ITPR2: variants seen among roughly 807,000 people sequenced by gnomAD.
The protein encoded by ITPR2 is inositol 1,4,5-trisphosphate receptor type 2, also known as inositol 1,4,5-trisphosphate-gated calcium channel ITPR2.
In ITPR2, 207 loss-of-function variants were observed where a neutral mutation model predicts 317.1. That is an observed-to-expected ratio of 0.65 (90% CI 0.58 to 0.73). The LOEUF (loss-of-function observed/expected upper bound fraction) is 0.73. ITPR2 is among the 30% of genes least tolerant of loss of function. The probability of loss-of-function intolerance (pLI) is 0.00; values close to 1 mark genes in which losing one functional copy is unlikely to be tolerated. For missense variants in ITPR2, 2,613 were observed against 3,284.0 expected (o/e 0.80, Z 4.99); for synonymous variants, 1,156 against 1,149.1 (o/e 1.01, Z -0.12).
intron 37 of ITPR2, among the ~76,000 whole-genome samples, chr12:26,511,523 T>C (rs1049048844): frequency 1.6e-4 from 25 of 152,240 alleles, no homozygotes; most frequent in African/African-American, 6.0e-4. Context: ...ATTCAATAAC[T>C]TTTTTTGTAA....
chr12:26,408,388 A>T (rs946855338), intron 52 of ITPR2, among the ~76,000 whole-genome samples: 4 of 152,242 alleles, frequency 2.6e-5, no homozygotes, highest in African/African-American at 7.2e-5. Flanking sequence ...TTAAGATCAA[A>T]ATGTCACAAT....
At chr12:26,697,424 G>A (rs1948371505) in intron 9 of ITPR2, among the ~76,000 whole-genome samples, 1 of 152,170 alleles carries the variant, frequency 6.6e-6, no homozygotes, top group South Asian at 2.1e-4. Flanking sequence ...GAATTTTCAG[G>A]AAATGGTTTG....
chr12:26,440,112 T>C (rs868479773), intron 46 of ITPR2, among the ~76,000 whole-genome samples: 1 of 152,144 alleles, frequency 6.6e-6, no homozygotes, highest in Admixed American at 6.6e-5. Flanking sequence ...GTGGTGGTCA[T>C]GGACTGTACC....
chr12:26,395,334 T>G (rs755932770), intron 54 of ITPR2, among the ~76,000 whole-genome samples: 1 of 152,092 alleles, frequency 6.6e-6, no homozygotes, highest in Non-Finnish European at 1.5e-5. Context: ...TGACAGTTAT[T>G]GTGATGTTTA....
At chr12:26,803,829 T>A (rs1950599308) in intron 1 of ITPR2, among the ~76,000 whole-genome samples, 1 of 152,088 alleles carries the variant, frequency 6.6e-6, no homozygotes, top group Admixed American at 6.6e-5. Context: ...GAGGAAATAG[T>A]TGGCAAGAGA....
intron 14 of ITPR2, among the ~76,000 whole-genome samples, chr12:26,664,367 G>A (rs868729640): frequency 5.3e-5 from 8 of 152,134 alleles, no homozygotes; most frequent in Admixed American, 3.3e-4. Flanking sequence ...TGGCCAAATC[G>A]ATGAACATAT....
Position 26,439,273 on chromosome 12 carries a change from G to A in ITPR2, c.6497C>T (p.Pro2166Leu), listed in dbSNP as rs1941431477. 2 of 1,610,188 alleles carry A rather than the reference G, an allele frequency of 1.2e-6. No homozygotes were observed. Among genetic ancestry groups the A allele is most frequent in the Non-Finnish European group, 1.7e-6 (2 of 1,178,328 alleles). ...TCGAGTGAGGTATTCACATATATTG[G>A]GGACAGGAAAAACTATTTGTTCCAT... The part of the protein sequence containing the change: ...RTMEQIVFPV[P>L]NICEYLTRES... Residue 2166 changes from proline to leucine, a missense_variant, in exon 47 of 57, where the codon CCC (proline) becomes CTC (leucine). Physicochemically the swap from Pro to Leu is moderately conservative, Grantham distance 98. Coordinates refer to ENST00000381340, the MANE Select transcript of ITPR2 (RefSeq NM_002223.4).
rs767844135 is a variant in ITPR2, at chr12:26,411,360, G to T, written c.7359C>A (p.Ala2453=). Residue 2453 remains alanine, a synonymous_variant, in exon 52 of 57, where the codon GCC becomes GCA. Coordinates refer to ENST00000381340, the MANE Select transcript of ITPR2 (RefSeq NM_002223.4). Reference sequence around the variant, plus strand: ...GAATTGTGGGTGAACAGTTCTCCTTGGCACATGCTTCCATCATGGTAGTTA... The same window carrying T: ...GAATTGTGGGTGAACAGTTCTCCTTTGCACATGCTTCCATCATGGTAGTTA... ...MTLTTMMEAC[A]KENCSPTIPA... 1 of 1,613,530 alleles carries T rather than the reference G, an allele frequency of 6.2e-7. No individual in the cohort carries two copies. Among genetic ancestry groups the T allele is most frequent in the South Asian group, 1.1e-5 (1 of 91,068 alleles).
At chr12:26,740,344 C>T (rs942624156) in intron 2 of ITPR2, among the ~76,000 whole-genome samples, 2 of 152,044 alleles carry the variant, frequency 1.3e-5, no homozygotes, top group African/African-American at 2.4e-5. Context: ...TGTTAAAATC[C>T]GTGAGCTCAT....
At chr12:26,449,761 A>G (rs1941695761) in intron 45 of ITPR2, among the ~76,000 whole-genome samples, 1 of 152,150 alleles carries the variant, frequency 6.6e-6, no homozygotes, top group African/African-American at 2.4e-5. Flanking sequence ...CAATGAGAAG[A>G]GGACTAGAAG....
At chr12:26,466,768 G>A (rs1193687689) in intron 45 of ITPR2, among the ~76,000 whole-genome samples, 1 of 152,062 alleles carries the variant, frequency 6.6e-6, no homozygotes, top group East Asian at 1.9e-4. Flanking sequence ...GAAAACACAG[G>A]GTGCAGGGGT....
At chr12:26,473,571 C>A (rs1391685478) in intron 45 of ITPR2, among the ~76,000 whole-genome samples, 1 of 152,166 alleles carries the variant, frequency 6.6e-6, no homozygotes, top group East Asian at 1.9e-4. Flanking sequence ...TCATTTTGAC[C>A]TTGCCTTTTT....
At chr12:26,765,413 G>A (rs1315477805) in intron 2 of ITPR2, among the ~76,000 whole-genome samples, 1 of 151,982 alleles carries the variant, frequency 6.6e-6, no homozygotes, top group African/African-American at 2.4e-5. Context: ...AAATATGTCT[G>A]GTTCATCTGA....
At chr12:26,767,342 G>A (rs1949739463) in intron 2 of ITPR2, among the ~76,000 whole-genome samples, 1 of 152,158 alleles carries the variant, frequency 6.6e-6, no homozygotes, top group African/African-American at 2.4e-5. Flanking sequence ...GCTTCACACA[G>A]GCAGCAAATA....
At chr12:26,768,680 T>G (rs1949785629) in intron 2 of ITPR2, among the ~76,000 whole-genome samples, 1 of 150,736 alleles carries the variant, frequency 6.6e-6, no homozygotes, top group Admixed American at 6.6e-5. Context: ...TAAAAATTAT[T>G]AAGGACCCAC....
At chr12:26,536,252 C>G (rs906574167) in intron 37 of ITPR2, among the ~76,000 whole-genome samples, 2 of 152,182 alleles carry the variant, frequency 1.3e-5, no homozygotes, top group Non-Finnish European at 2.9e-5. Context: ...TCCCGAAGAA[C>G]TCAGGGTGGT....
chr12:26,595,811 T>C (rs1182737091), intron 31 of ITPR2, among the ~76,000 whole-genome samples: 1 of 152,202 alleles, frequency 6.6e-6, no homozygotes, highest in Non-Finnish European at 1.5e-5. Context: ...GGGCCAACCA[T>C]TGCTGTGAGA....
At chr12:26,758,494 T>C (rs575139753) in intron 2 of ITPR2, among the ~76,000 whole-genome samples, 3 of 152,326 alleles carry the variant, frequency 2.0e-5, no homozygotes, top group South Asian at 2.1e-4. Flanking sequence ...CTCCATTCCA[T>C]GGTCTTTCTA....
chr12:26,587,862 C>T (rs1281628636), intron 32 of ITPR2, among the ~76,000 whole-genome samples: 5 of 152,112 alleles, frequency 3.3e-5, no homozygotes, highest in Non-Finnish European at 5.9e-5. Context: ...TGCAATCATC[C>T]AAATGAGAGA....
Sources: gnomAD v4.1 joint callset for allele counts (sites outside exome capture counted in the v4.1 genomes callset) on GRCh38, gnomAD v4.1.1 for gene constraint, MANE v1.5 for transcripts, NCBI Gene and HGNC (gene_info 2026-07-23, HGNC 2026-07-21) for gene names.